The following GPC5 variants were observed in gnomAD, a reference collection of about 807,000 sequenced individuals.
The protein encoded by GPC5 is glypican 5.
GPC5 carries 47 observed loss-of-function variants against 53.9 expected under a neutral mutation model. That is an observed-to-expected ratio of 0.87 (90% CI 0.69 to 1.11). The LOEUF (loss-of-function observed/expected upper bound fraction) is 1.11, where lower values mean the gene tolerates loss of function less well. GPC5 is among the 50% of genes most tolerant of loss of function. The pLI is 0.00. For missense variants in GPC5, 748 were observed against 713.1 expected (o/e 1.05, Z -0.56); for synonymous variants, 286 against 263.3 (o/e 1.09, Z -0.84).
chr13:92,401,870 TCTC>T (rs1455464759), intron 7 of GPC5, among the ~76,000 whole-genome samples: 1 of 152,156 alleles, frequency 6.6e-6, no homozygotes, highest in Non-Finnish European at 1.5e-5. Flanking sequence ...GGTTGCATAC[TCTC>T]CTCCTTTGTC....
intron 2 of GPC5, among the ~76,000 whole-genome samples, chr13:91,565,401 A>C (rs940473307): frequency 6.6e-6 from 1 of 152,196 alleles, no homozygotes; most frequent in Non-Finnish European, 1.5e-5. Flanking sequence ...TGTTAGAGAA[A>C]GTTTGGAATT....
Position 92,361,828 on chromosome 13 carries a change from A to G in GPC5, c.1561+216839A>G, listed in dbSNP as rs140680951. Among the ~76,000 whole-genome samples the G allele has an allele frequency of 6.1e-3, 929 of 151,866 alleles. 49 individuals carry two copies. The highest frequency in any genetic ancestry group is 0.022 in the African/African-American group (892 of 41,158). ...ATGACTCATAAGTGGATTAGCTGGT[A>G]AGAAAAGTCTTACTTCTCAGTGTTC... is the stretch of plus-strand genomic sequence containing the variant. On this transcript the variant is annotated intron_variant, in intron 7 of 7. Coordinates refer to ENST00000377067, the MANE Select transcript of GPC5 (RefSeq NM_004466.6).
intron 7 of GPC5, among the ~76,000 whole-genome samples, chr13:92,487,315 T>A (rs1003553414): frequency 1.3e-5 from 2 of 152,192 alleles, no homozygotes; most frequent in African/African-American, 4.8e-5. Flanking sequence ...GACAACCATG[T>A]TATTTAGTGA....
In GPC5 at chr13:91,776,535, G is replaced by A. The variant is rs957359909; in HGVS notation, c.1280+20115G>A. ...CTATTAAAGAGGTGTCATTATTGTC[G>A]CTATTTCCAGAAATAAAAAACTAAA... is the stretch of plus-strand genomic sequence containing the variant. On this transcript the variant is annotated intron_variant, in intron 5 of 7. Transcript: ENST00000377067. Among the ~76,000 whole-genome samples, 115 of 152,116 alleles carry A rather than the reference G, an allele frequency of 7.6e-4. 1 individual carries two copies. The highest frequency in any genetic ancestry group is 1.4e-3 in the Non-Finnish European group (97 of 67,992).
intron 6 of GPC5, among the ~76,000 whole-genome samples, chr13:92,092,977 A>G (rs2041392876): frequency 6.6e-6 from 1 of 152,192 alleles, no homozygotes; most frequent in Non-Finnish European, 1.5e-5. Context: ...AAATAAATCT[A>G]CACTGGATAA....
chr13:92,139,680 A>AAAAAAGTG (rs1555313597), intron 6 of GPC5, among the ~76,000 whole-genome samples: 8 of 140,888 alleles, frequency 5.7e-5, no homozygotes, highest in South Asian at 2.2e-4. Flanking sequence ...AAAAAAAAAA[A>AAAAAAGTG]AAAAAGTGTT....
chr13:91,885,445 G>C (rs1217199202), intron 5 of GPC5, among the ~76,000 whole-genome samples: 1 of 151,896 alleles, frequency 6.6e-6, no homozygotes, highest in South Asian at 2.1e-4. Flanking sequence ...CCCCCTCCCC[G>C]ACTAGAATCT....
At chr13:92,272,895 C>A (rs1247102584) in intron 7 of GPC5, among the ~76,000 whole-genome samples, 1 of 152,008 alleles carries the variant, frequency 6.6e-6, no homozygotes, top group Non-Finnish European at 1.5e-5. Context: ...ATAGCATGGC[C>A]TCAAATTGAG....
chr13:92,244,386 T>C (rs957532142), intron 7 of GPC5, among the ~76,000 whole-genome samples: 2 of 152,180 alleles, frequency 1.3e-5, no homozygotes, highest in Non-Finnish European at 2.9e-5. Context: ...CGAAACCTCA[T>C]ATGTATTACC....
intron 6 of GPC5, among the ~76,000 whole-genome samples, chr13:92,101,932 G>A (rs1281509025): frequency 6.6e-6 from 1 of 152,190 alleles, no homozygotes; most frequent in Non-Finnish European, 1.5e-5. Context: ...TGCAATGCAT[G>A]TGAGTGCTCT....
At chr13:92,435,122 C>T (rs1182705672) in intron 7 of GPC5, among the ~76,000 whole-genome samples, 1 of 152,154 alleles carries the variant, frequency 6.6e-6, no homozygotes, top group East Asian at 1.9e-4. Context: ...ACCATGTTGA[C>T]CAAGTTGGTC....
intron 5 of GPC5, among the ~76,000 whole-genome samples, chr13:91,892,634 A>G (rs1329129879): frequency 6.6e-6 from 1 of 151,712 alleles, no homozygotes; most frequent in Non-Finnish European, 1.5e-5. Flanking sequence ...AAATTATTAT[A>G]TAATTTTAGA....
chr13:92,793,540 G>T (rs528554139), intron 7 of GPC5, among the ~76,000 whole-genome samples: 2 of 151,772 alleles, frequency 1.3e-5, no homozygotes, highest in African/African-American at 4.8e-5. Flanking sequence ...AGATCAGAGC[G>T]GAACTGAGAG....
chr13:92,782,389 C>T (rs1287367989), intron 7 of GPC5, among the ~76,000 whole-genome samples: 1 of 152,084 alleles, frequency 6.6e-6, no homozygotes, highest in Non-Finnish European at 1.5e-5. Context: ...TCACTGCAGC[C>T]CGTGCTAAGT....
At chr13:92,018,616 G>A (rs2040729188) in intron 6 of GPC5, among the ~76,000 whole-genome samples, 1 of 151,980 alleles carries the variant, frequency 6.6e-6, no homozygotes, top group South Asian at 2.1e-4. Context: ...TTTAAGTGAA[G>A]TTTAAGAAAA....
intron 6 of GPC5, among the ~76,000 whole-genome samples, chr13:91,996,778 C>T (rs1483858195): frequency 6.6e-6 from 1 of 152,156 alleles, no homozygotes; most frequent in South Asian, 2.1e-4. Flanking sequence ...TGGAATCACA[C>T]ACATTGTATT....
intron 3 of GPC5, among the ~76,000 whole-genome samples, chr13:91,703,790 G>A (rs921380045): frequency 1.3e-5 from 2 of 151,958 alleles, no homozygotes; most frequent in Non-Finnish European, 2.9e-5. Flanking sequence ...TATATAATGG[G>A]GAATTATTTT....
intron 2 of GPC5, among the ~76,000 whole-genome samples, chr13:91,523,949 C>A (rs1449164022): frequency 2.6e-5 from 4 of 151,744 alleles, no homozygotes; most frequent in African/African-American, 9.7e-5. Context: ...TTTCTCTTTG[C>A]ATGAATATAT....
chr13:92,770,753 C>T (rs1398518640), intron 7 of GPC5, among the ~76,000 whole-genome samples: 1 of 152,150 alleles, frequency 6.6e-6, no homozygotes, highest in East Asian at 1.9e-4. Context: ...GAAACCCGGA[C>T]ATTTGGGGTA....
Sources: gnomAD v4.1 joint callset for allele counts (sites outside exome capture counted in the v4.1 genomes callset) on GRCh38, gnomAD v4.1.1 for gene constraint, MANE v1.5 for transcripts, NCBI Gene and HGNC (gene_info 2026-07-23, HGNC 2026-07-21) for gene names.